CRISPLD2: variants seen among roughly 807,000 people sequenced by gnomAD.
CRISPLD2 encodes cysteine rich secretory protein LCCL domain containing 2.
Under a neutral mutation model 71.1 loss-of-function variants are expected in CRISPLD2, and 47 were observed. That is an observed-to-expected ratio of 0.66 (90% CI 0.52 to 0.84). The LOEUF is 0.84. CRISPLD2 is among the 40% of genes least tolerant of loss of function. The probability of loss-of-function intolerance (pLI) is 0.00; values close to 1 mark genes in which losing one functional copy is unlikely to be tolerated. For missense variants in CRISPLD2, 830 were observed against 651.1 expected (o/e 1.27, Z -2.99); for synonymous variants, 317 against 250.1 (o/e 1.27, Z -2.52).
intron 1 of CRISPLD2, among the ~76,000 whole-genome samples, chr16:84,821,397 C>T (rs747325919): frequency 1.3e-5 from 2 of 152,206 alleles, no homozygotes; most frequent in Non-Finnish European, 2.9e-5. Context: ...GCGGCAGGCA[C>T]GCGGTCTGTG....
At chr16:84,876,707 C>A (rs1412148599) in intron 11 of CRISPLD2, among the ~76,000 whole-genome samples, 1 of 151,202 alleles carries the variant, frequency 6.6e-6, no homozygotes, top group African/African-American at 2.4e-5. Flanking sequence ...GCAGGAGAAT[C>A]AGTTGAACTC....
At chr16:84,885,809 CT>C (rs1187626543) in intron 13 of CRISPLD2, among the ~76,000 whole-genome samples, 1 of 131,778 alleles carries the variant, frequency 7.6e-6, no homozygotes, top group Non-Finnish European at 1.6e-5. Context: ...TGTTGGATCC[CT>C]TCTTTTTTTT....
rs535773168 is a variant in CRISPLD2, at chr16:84,881,772, G to A, written c.1305+1188G>A. On this transcript the variant is annotated intron_variant, in intron 13 of 14. Transcript: ENST00000262424. ...ATTATAGGGGTGAGCCACTGCACCC[G>A]GCCTCCAGATAGAGCTTTACTCAGC... Among the ~76,000 whole-genome samples, 5 of 152,086 alleles carry A rather than the reference G, an allele frequency of 3.3e-5. No individual in the cohort carries two copies. The South Asian group carries it at 8.3e-4, about 25-fold the overall frequency.
At chr16:84,868,501 C>T (rs1477854682) in intron 7 of CRISPLD2, among the ~76,000 whole-genome samples, 1 of 152,232 alleles carries the variant, frequency 6.6e-6, no homozygotes. Context: ...TGTGGGACCA[C>T]AGGCACATCG....
chr16:84,849,764 A>G (rs943799972), intron 4 of CRISPLD2, among the ~76,000 whole-genome samples: 2 of 120,262 alleles, frequency 1.7e-5, no homozygotes, highest in South Asian at 3.2e-4. Context: ...CCTGGGCTGG[A>G]GTGCAGTGGC....
chr16:84,868,390 G>A (rs921836014), intron 7 of CRISPLD2, among the ~76,000 whole-genome samples: 5 of 152,166 alleles, frequency 3.3e-5, no homozygotes, highest in Non-Finnish European at 7.3e-5. Context: ...GCATCTTGGC[G>A]ATGGGGGAGA....
At chr16:84,857,307 T>G (rs1267641906) in intron 6 of CRISPLD2, among the ~76,000 whole-genome samples, 1 of 152,254 alleles carries the variant, frequency 6.6e-6, no homozygotes, top group African/African-American at 2.4e-5. Context: ...AGTCGTCCTA[T>G]GTACTTGACT....
intron 2 of CRISPLD2, among the ~76,000 whole-genome samples, chr16:84,844,444 C>T (rs1038783320): frequency 1.3e-5 from 2 of 152,180 alleles, no homozygotes; most frequent in African/African-American, 2.4e-5. Flanking sequence ...CAACCATCCC[C>T]GCCATCCATC....
intron 14 of CRISPLD2, among the ~76,000 whole-genome samples, chr16:84,898,851 C>T (rs1357052673): frequency 6.6e-6 from 1 of 152,108 alleles, no homozygotes; most frequent in Non-Finnish European, 1.5e-5. Flanking sequence ...CCCAGTTGCA[C>T]CACTGCACTC....
chr16:84,853,557 A>G (rs1355314221), intron 5 of CRISPLD2, among the ~76,000 whole-genome samples: 1 of 152,194 alleles, frequency 6.6e-6, no homozygotes, highest in Admixed American at 6.5e-5. Context: ...CGGTGAGGCC[A>G]GGGTGCTTCT....
chr16:84,904,025 A>T, intron 14 of CRISPLD2, among the ~76,000 whole-genome samples: 1 of 152,174 alleles, frequency 6.6e-6, no homozygotes, highest in Non-Finnish European at 1.5e-5. Flanking sequence ...ACAGTATCAA[A>T]CCTGGTGGCC....
At chr16:84,879,932 A>C (rs112066506) in intron 12 of CRISPLD2, among the ~76,000 whole-genome samples, 3,185 of 152,268 alleles carry the variant, frequency 0.021, 111 homozygotes, top group African/African-American at 0.074. Flanking sequence ...TGAGTTTGTC[A>C]AACCACCCAG....
chr16:84,877,410 A>G, intron 11 of CRISPLD2, 28 bp from the exon 12 acceptor site: 1 of 1,610,270 alleles, frequency 6.2e-7, no homozygotes, highest in Non-Finnish European at 8.5e-7. Context: ...CTGGGACCTG[A>G]CCCTTTCCCC....
chr16:84,879,049 G>A lies in CRISPLD2; in HGVS notation c.1230-1460G>A, dbSNP rs182513785. On this transcript the variant is annotated intron_variant, in intron 12 of 14. Coordinates refer to ENST00000262424, the MANE Select transcript of CRISPLD2 (RefSeq NM_031476.4). ...GGTGGTGACCCCAAGGTTCCGAGCA[G>A]GGAAAGGCCCAGGAGGGTGACTGGT... Among the ~76,000 whole-genome samples the A allele has an allele frequency of 2.6e-5, 4 of 152,280 alleles. No individual in the cohort carries two copies. In the East Asian group the frequency reaches 5.8e-4, roughly 22 times the overall value.
At chr16:84,877,687 T>C (rs1160540397) in intron 12 of CRISPLD2, among the ~76,000 whole-genome samples, 177 bp downstream of exon 12, 2 of 151,624 alleles carry the variant, frequency 1.3e-5, no homozygotes, top group African/African-American at 4.8e-5. Flanking sequence ...CCATTTCTAC[T>C]AAAATTACAA....
At chr16:84,855,768 A>G (rs1314848213) in intron 6 of CRISPLD2, among the ~76,000 whole-genome samples, 5 of 152,208 alleles carry the variant, frequency 3.3e-5, no homozygotes, top group African/African-American at 4.8e-5. Context: ...AAAGACAATA[A>G]TAAGATCATA....
intron 4 of CRISPLD2, among the ~76,000 whole-genome samples, chr16:84,850,069 T>A (rs1312435641): frequency 6.7e-6 from 1 of 149,254 alleles, no homozygotes. Flanking sequence ...GCATTTTCAT[T>A]GTGTGGGAGT....
At chr16:84,846,079 C>G (rs1049993441) in intron 3 of CRISPLD2, 175 bp downstream of exon 3, 1 of 511,802 alleles carries the variant, frequency 2.0e-6, no homozygotes, top group African/African-American at 2.0e-5. Flanking sequence ...GAGTGACTGA[C>G]AAAATGTATT....
At chr16:84,844,018 G>A (rs985801976) in intron 2 of CRISPLD2, among the ~76,000 whole-genome samples, 2 of 152,226 alleles carry the variant, frequency 1.3e-5, no homozygotes, top group South Asian at 2.1e-4. Context: ...CTGTGTGCCC[G>A]GGGCTGGGTG....
Sources: gnomAD v4.1 joint callset for allele counts (sites outside exome capture counted in the v4.1 genomes callset) on GRCh38, gnomAD v4.1.1 for gene constraint, MANE v1.5 for transcripts, NCBI Gene and HGNC (gene_info 2026-07-23, HGNC 2026-07-21) for gene names.